Variants in ANKFN1 observed in about 807,000 individuals in gnomAD.
ANKFN1 encodes ankyrin repeat and fibronectin type III domain containing 1, also known as ankyrin repeat and fibronectin type-III domain-containing protein 1.
A neutral mutation model predicts 108.7 loss-of-function variants in ANKFN1; 74 were observed. The observed-to-expected ratio is 0.68, with a 90% CI of 0.56 to 0.83. The LOEUF (loss-of-function observed/expected upper bound fraction) is 0.83. ANKFN1 is among the 40% of genes least tolerant of loss of function. ANKFN1 has a pLI of 0.00. For synonymous variants in ANKFN1, 547 were observed against 516.2 expected (o/e 1.06, Z -0.81); for missense variants, 1,505 against 1,382.3 (o/e 1.09, Z -1.41).
intron 6 of ANKFN1, among the ~76,000 whole-genome samples, chr17:56,362,935 G>A (rs1306849660): frequency 6.6e-6 from 1 of 152,202 alleles, no homozygotes; most frequent in African/African-American, 2.4e-5. Flanking sequence ...AGGTGGCCAG[G>A]TGCAGTGGCT....
At chr17:56,407,794 A>G (rs1157521922) in intron 8 of ANKFN1, among the ~76,000 whole-genome samples, 1 of 152,202 alleles carries the variant, frequency 6.6e-6, no homozygotes, top group Non-Finnish European at 1.5e-5. Context: ...AACTAGAATG[A>G]TCTTAGAGAT....
intron 3 of ANKFN1, among the ~76,000 whole-genome samples, chr17:56,281,431 A>G (rs1185460095): frequency 6.6e-6 from 1 of 152,200 alleles, no homozygotes; most frequent in African/African-American, 2.4e-5. Flanking sequence ...CTAAATGTAT[A>G]AGCTAAAATT....
At chr17:56,424,821 A>G (rs1409506134) in intron 8 of ANKFN1, among the ~76,000 whole-genome samples, 1 of 152,134 alleles carries the variant, frequency 6.6e-6, no homozygotes, top group African/African-American at 2.4e-5. Context: ...CCACTATCTG[A>G]GTGTTGTTTT....
intron 3 of ANKFN1, among the ~76,000 whole-genome samples, chr17:56,292,749 C>T (rs1016855444): frequency 1.3e-5 from 2 of 152,180 alleles, no homozygotes; most frequent in African/African-American, 4.8e-5. Flanking sequence ...CCACTGCCAT[C>T]TCACCTGGTG....
chr17:56,344,374 T>C (rs1484931637), intron 4 of ANKFN1, among the ~76,000 whole-genome samples: 1 of 152,042 alleles, frequency 6.6e-6, no homozygotes. Context: ...ATAAGCATCC[T>C]AGTTTTTGCT....
intron 1 of ANKFN1, among the ~76,000 whole-genome samples, chr17:56,190,365 C>A (rs1400328753): frequency 9.2e-6 from 1 of 109,246 alleles, no homozygotes. Context: ...TATAAATTTC[C>A]CTCTACACAC....
chr17:56,456,256 C>T (rs2049690059), intron 11 of ANKFN1, among the ~76,000 whole-genome samples: 1 of 152,018 alleles, frequency 6.6e-6, no homozygotes, highest in African/African-American at 2.4e-5. Context: ...TAAAATAAAT[C>T]AAAAATTTCA....
intron 3 of ANKFN1, among the ~76,000 whole-genome samples, chr17:56,310,632 A>T (rs540676035): frequency 4.4e-4 from 67 of 152,202 alleles, no homozygotes; most frequent in African/African-American, 1.3e-3. Context: ...AAAAAAAGAA[A>T]AAAAGAAAAT....
intron 4 of ANKFN1, among the ~76,000 whole-genome samples, chr17:56,074,287 C>A (rs1460243069): frequency 6.6e-6 from 1 of 152,154 alleles, no homozygotes; most frequent in Non-Finnish European, 1.5e-5. Flanking sequence ...AGGGACCCAG[C>A]GGATATAACC....
Position 56,457,365 on chromosome 17 carries a change from A to G in ANKFN1, c.1416A>G (p.Thr472=). ...ATGACTCTCACACCAGTTCTATTAC[A>G]CAAGATTTTCTGTGGTTCACGAAGG... The part of the protein sequence containing the change: ...EIDDSHTSSI[T]QDFLWFTKLS... Residue 472 remains threonine, a synonymous_variant, in exon 13 of 21, where the codon ACA becomes ACG. Transcript: ENST00000682825. 6.3e-7 allele frequency: 1 copy of G among 1,599,746 alleles called. No homozygotes were observed. Among genetic ancestry groups the G allele is most frequent in the Non-Finnish European group, 8.5e-7 (1 of 1,176,804 alleles).
intron 1 of ANKFN1, among the ~76,000 whole-genome samples, chr17:56,171,358 G>C (rs1910683421): frequency 6.6e-6 from 1 of 152,092 alleles, no homozygotes. Flanking sequence ...AATTAGCCTG[G>C]TGGATGGGCC....
At chr17:56,369,440 C>G (rs1236071637) in intron 6 of ANKFN1, among the ~76,000 whole-genome samples, 2 of 152,002 alleles carry the variant, frequency 1.3e-5, no homozygotes, top group Non-Finnish European at 2.9e-5. Context: ...AAAAAATGCC[C>G]CCATTCCAGG....
chr17:56,380,079 G>A (rs1567957948), intron 8 of ANKFN1, among the ~76,000 whole-genome samples: 3 of 152,246 alleles, frequency 2.0e-5, no homozygotes, highest in East Asian at 3.9e-4. Flanking sequence ...AAATTAATTT[G>A]GGGAGAATCT....
intron 3 of ANKFN1, among the ~76,000 whole-genome samples, chr17:56,252,751 A>G (rs909161417): frequency 3.4e-5 from 5 of 146,068 alleles, no homozygotes; most frequent in Non-Finnish European, 7.5e-5. Flanking sequence ...TACTTACAGT[A>G]TAATAAGATA....
chr17:56,133,143 C>A (rs1048341791), intron 4 of ANKFN1, among the ~76,000 whole-genome samples: 1 of 152,148 alleles, frequency 6.6e-6, no homozygotes, highest in African/African-American at 2.4e-5. Flanking sequence ...TGGGGGAAGT[C>A]AGTAAACATG....
intron 4 of ANKFN1, among the ~76,000 whole-genome samples, chr17:56,060,256 C>T (rs1904949982): frequency 6.6e-6 from 1 of 152,142 alleles, no homozygotes; most frequent in Non-Finnish European, 1.5e-5. Flanking sequence ...TAAAGGAACA[C>T]TTGTGATTTT....
At chr17:56,082,511 G>A (rs1346567768) in intron 4 of ANKFN1, among the ~76,000 whole-genome samples, 1 of 152,064 alleles carries the variant, frequency 6.6e-6, no homozygotes, top group African/African-American at 2.4e-5. Context: ...AAAGAGGTGT[G>A]CATTCAGCCC....
intron 4 of ANKFN1, among the ~76,000 whole-genome samples, chr17:56,088,825 C>T (rs980081259): frequency 6.6e-6 from 1 of 151,352 alleles, no homozygotes; most frequent in Non-Finnish European, 1.5e-5. Context: ...CTCACTTCAA[C>T]CCCTGTATAC....
intron 4 of ANKFN1, among the ~76,000 whole-genome samples, chr17:56,047,897 T>A (rs1904706817): frequency 6.6e-6 from 1 of 152,186 alleles, no homozygotes; most frequent in Non-Finnish European, 1.5e-5. Context: ...ATATGAATAA[T>A]CTGATGCCTG....
Sources: allele counts gnomAD v4.1 joint callset (sites outside exome capture counted in the v4.1 genomes callset), GRCh38; gene constraint gnomAD v4.1.1; transcripts MANE v1.5; gene names NCBI Gene and HGNC (gene_info 2026-07-23, HGNC 2026-07-21).